The following PCDHA6 variants were observed in gnomAD, a reference collection of about 807,000 sequenced individuals.
PCDHA6 encodes protocadherin alpha-6.
Under a neutral mutation model 60.3 loss-of-function variants are expected in PCDHA6, and 55 were observed. That is an observed-to-expected ratio of 0.91 (90% CI 0.73 to 1.14). PCDHA6 has a LOEUF of 1.14. Ranked by LOEUF, PCDHA6 falls within the 50% of genes most tolerant of loss-of-function variation. The pLI is 0.00. For missense variants in PCDHA6, 1,327 were observed against 1,256.5 expected, an observed-to-expected ratio of 1.06 and a Z score of -0.85; for synonymous variants, 652 against 557.9, an observed-to-expected ratio of 1.17 and a Z score of -2.38.
chr5:140,833,755 C>CAT (rs1554133952), intron 1 of PCDHA6, among the ~76,000 whole-genome samples: 1 of 151,932 alleles, frequency 6.6e-6, no homozygotes, highest in East Asian at 1.9e-4. Context: ...AAAGAAAACA[C>CAT]ACACACACAC....
intron 1 of PCDHA6, chr5:140,848,738 T>G (rs2150419097): frequency 6.3e-7 from 1 of 1,592,918 alleles, no homozygotes; most frequent in South Asian, 1.1e-5. Context: ...ATCTGCAGAA[T>G]GGCATTTTGT....
chr5:140,898,670 C>T (rs574817267), intron 1 of PCDHA6, among the ~76,000 whole-genome samples: 20 of 152,200 alleles, frequency 1.3e-4, no homozygotes, highest in South Asian at 6.2e-4. Context: ...CTTGGTGTTG[C>T]GGGCTGTTTT....
At chr5:140,990,778 T>C (rs2097414170) in intron 3 of PCDHA6, among the ~76,000 whole-genome samples, 1 of 152,208 alleles carries the variant, frequency 6.6e-6, no homozygotes, top group South Asian at 2.1e-4. Flanking sequence ...GGCTCTGTGT[T>C]GGACGATGAA....
intron 1 of PCDHA6, chr5:140,929,943 A>G (rs996777609): frequency 1.3e-5 from 2 of 152,224 alleles, no homozygotes; most frequent in African/African-American, 4.8e-5. Flanking sequence ...TCTCTAGCCT[A>G]TACTTTTAAT....
At chr5:140,857,653 C>A (rs1466552947) in intron 1 of PCDHA6, 6 of 1,596,508 alleles carry the variant, frequency 3.8e-6, no homozygotes, top group Non-Finnish European at 5.1e-6. Flanking sequence ...TCCAGGTGAG[C>A]GCGCGCGATG....
chr5:140,842,916 A>G, intron 1 of PCDHA6: 1 of 1,594,694 alleles, frequency 6.3e-7, no homozygotes, highest in South Asian at 1.1e-5. Context: ...GAGCTGCTGC[A>G]GTTCCAGGTG....
At chr5:140,929,258 T>C (rs1288767035) in intron 1 of PCDHA6, 2 of 1,612,832 alleles carry the variant, frequency 1.2e-6, no homozygotes, top group Non-Finnish European at 1.7e-6. Flanking sequence ...GGGGTAGGAC[T>C]GAATTTGCCA....
At position 140,869,660 on chromosome 5, in the gene PCDHA6, G is replaced by T. The variant is rs782182212; in HGVS notation, c.2394+39175G>T. On this transcript the variant is annotated intron_variant, in intron 1 of 3. Coordinates refer to ENST00000529310, the MANE Select transcript of PCDHA6 (RefSeq NM_018909.4). ...TTTTCTTTAGATTCACCAACAAATG[G>T]TAAGCAGATTAAAAGACTGTCACTT... is the stretch of plus-strand genomic sequence containing the variant. 7 of 1,613,392 alleles carry T rather than the reference G, an allele frequency of 4.3e-6. No individual in the cohort carries two copies. The Admixed American group carries it at 1.2e-4, about 27-fold the overall frequency.
Position 140,979,011 on chromosome 5 carries a change from T to C in PCDHA6, c.2453+4T>C. On this transcript the variant is annotated splice_donor_region_variant and intron_variant, in intron 2 of 3. Coordinates refer to ENST00000529310, the MANE Select transcript of PCDHA6 (RefSeq NM_018909.4). ...CCCTGAGAGCAGGCATGCACAGGTA[T>C]GTATTTCCCTCCTCATTCACTCAGA... The C allele has an allele frequency of 6.2e-7, 1 of 1,613,950 alleles. No homozygotes were observed. The highest frequency in any genetic ancestry group is 8.5e-7 in the Non-Finnish European group (1 of 1,179,938).
In PCDHA6 at chr5:140,852,586, T is replaced by TTA. The variant is rs1554145914; in HGVS notation, c.2394+22102_2394+22103insAT. On this transcript the variant is annotated intron_variant, in intron 1 of 3. Transcript: ENST00000529310. ...CCACTGTGCCAAGGCTTTTTTATTTTTTTTTTTTGTCATTTTCTTTCAAAA... is the reference window on the plus strand; with the variant it reads ...CCACTGTGCCAAGGCTTTTTTATTTTTATTTTTTTTGTCATTTTCTTTCAAAA... 25 of 878,568 alleles carry TTA rather than the reference T, an allele frequency of 2.8e-5. 1 individual carries two copies. The highest frequency in any genetic ancestry group is 1.3e-4 in the Admixed American group (2 of 15,686). 54.4% of individuals were successfully genotyped at this position (878,568 alleles called of 1,614,324 possible).
At chr5:140,844,694 T>C (rs2150373280) in intron 1 of PCDHA6, among the ~76,000 whole-genome samples, 1 of 149,782 alleles carries the variant, frequency 6.7e-6, no homozygotes, top group Admixed American at 6.7e-5. Context: ...ATACAGAATA[T>C]TTGGGATTAT....
In PCDHA6 at chr5:140,828,820, A is replaced by T. The variant is rs192366589; in HGVS notation, c.729A>T (p.Glu243Asp). 6.2e-7 allele frequency: 1 copy of T among 1,614,208 alleles called. No homozygotes were observed. Among genetic ancestry groups the T allele is most frequent in the Admixed American group, 1.7e-5 (1 of 60,032 alleles). The change falls in exon 1 of 4, where the codon GAA (glutamate) becomes GAT (aspartate). Residue 243 changes from glutamate (E) to aspartate (D), a missense_variant. Physicochemically the swap from Glu to Asp is conservative, Grantham distance 45. Transcript: ENST00000529310. The part of the protein sequence containing the change: ...LDVNDNAPTF[E>D]QSEYEVRIFE... ...TGAATGATAATGCTCCCACTTTCGA[A>T]CAGTCTGAATACGAAGTAAGAATAT... is the stretch of plus-strand genomic sequence containing the variant.
chr5:140,995,276 C>T (rs2097674050), intron 3 of PCDHA6, among the ~76,000 whole-genome samples: 4 of 152,030 alleles, frequency 2.6e-5, no homozygotes, highest in Non-Finnish European at 1.5e-5. Flanking sequence ...CCCTTTGATA[C>T]CAAAACAGCC....
intron 1 of PCDHA6, among the ~76,000 whole-genome samples, chr5:140,892,007 T>C (rs1285446962): frequency 1.3e-5 from 2 of 152,244 alleles, no homozygotes; most frequent in South Asian, 2.1e-4. Context: ...CATTCTGTTA[T>C]AGCAGCACAA....
intron 1 of PCDHA6, among the ~76,000 whole-genome samples, chr5:140,901,807 C>T (rs1227752610): frequency 6.6e-6 from 1 of 152,116 alleles, no homozygotes; most frequent in Non-Finnish European, 1.5e-5. Context: ...AACATTTTTA[C>T]AATATTGATT....
chr5:140,919,198 A>G (rs545072839), intron 1 of PCDHA6, among the ~76,000 whole-genome samples: 8 of 152,268 alleles, frequency 5.3e-5, no homozygotes, highest in Admixed American at 3.9e-4. Flanking sequence ...TCCTTTTGTC[A>G]TTATAAAATG....
At position 140,849,854 on chromosome 5, in the gene PCDHA6, A is replaced by T. The variant is rs1431626107; in HGVS notation, c.2394+19369A>T. 3.8e-6 allele frequency: 6 copies of T among 1,598,364 alleles called. 1 individual carries two copies. Among genetic ancestry groups the T allele is most frequent in the East Asian group, 2.2e-5 (1 of 44,850 alleles). On this transcript the variant is annotated intron_variant, in intron 1 of 3. Coordinates refer to ENST00000529310, the MANE Select transcript of PCDHA6 (RefSeq NM_018909.4). ...TGGCCGACGTGAACGACAACGCACC[A>T]GCGTTCGCGCAGTCCGAGTACACGG...
At chr5:140,851,891 A>T (rs1554145590) in intron 1 of PCDHA6, 4 of 976,308 alleles carry the variant, frequency 4.1e-6, no homozygotes, top group East Asian at 1.1e-4. Flanking sequence ...TGGATATGAG[A>T]TTTGCCTCTT....
At chr5:140,897,356 C>T (rs1554187343) in intron 1 of PCDHA6, among the ~76,000 whole-genome samples, 1 of 134,770 alleles carries the variant, frequency 7.4e-6, no homozygotes, top group African/African-American at 2.8e-5. Flanking sequence ...ACAACTGTCC[C>T]CAGAGTGTGA....
Sources: gnomAD v4.1 joint callset for allele counts (sites outside exome capture counted in the v4.1 genomes callset) on GRCh38, gnomAD v4.1.1 for gene constraint, MANE v1.5 for transcripts, NCBI Gene and HGNC (gene_info 2026-07-23, HGNC 2026-07-21) for gene names.